UBE3D: variants seen among roughly 807,000 people sequenced by gnomAD.
The protein encoded by UBE3D is E3 ubiquitin-protein ligase E3D.
Under a neutral mutation model 49.6 loss-of-function variants are expected in UBE3D, and 48 were observed. The observed-to-expected ratio is 0.97, with a 90% CI of 0.77 to 1.23. The LOEUF is 1.23. UBE3D is among the 50% of genes most tolerant of loss of function. The probability of loss-of-function intolerance (pLI) is 0.00; values close to 1 mark genes in which losing one functional copy is unlikely to be tolerated. For missense variants in UBE3D, 452 were observed against 468.4 expected (o/e 0.96, Z 0.32); for synonymous variants, 189 against 174.2 (o/e 1.08, Z -0.67).
chr6:82,956,962 T>C (rs931308022), intron 9 of UBE3D, among the ~76,000 whole-genome samples: 2 of 152,100 alleles, frequency 1.3e-5, no homozygotes, highest in Admixed American at 6.6e-5. Context: ...ACCCTGTCTC[T>C]ACTAAAAACA....
chr6:82,957,586 TCA>T, intron 8 of UBE3D, 136 bp from the exon 9 acceptor site: 1 of 1,116,418 alleles, frequency 9.0e-7, no homozygotes, highest in East Asian at 2.6e-5. Flanking sequence ...TATTAAAAAT[TCA>T]CAGAGAACAT....
At chr6:82,998,231 C>T (rs1313631072) in intron 8 of UBE3D, among the ~76,000 whole-genome samples, 1 of 152,202 alleles carries the variant, frequency 6.6e-6, no homozygotes, top group African/African-American at 2.4e-5. Flanking sequence ...GAGGTACATG[C>T]ACCTGGAAGG....
At chr6:82,999,036 T>C (rs917415697) in intron 8 of UBE3D, among the ~76,000 whole-genome samples, 1 of 152,182 alleles carries the variant, frequency 6.6e-6, no homozygotes, top group Non-Finnish European at 1.5e-5. Context: ...CCTTTCCAAA[T>C]GACCATTTTA....
chr6:82,995,151 G>T (rs1437783480), intron 8 of UBE3D, among the ~76,000 whole-genome samples: 1 of 152,132 alleles, frequency 6.6e-6, no homozygotes, highest in East Asian at 1.9e-4. Context: ...GAGGCCAGAG[G>T]CAAACCAGGA....
chr6:83,028,755 G>A (rs201285280), intron 5 of UBE3D, among the ~76,000 whole-genome samples: 2 of 151,692 alleles, frequency 1.3e-5, no homozygotes, highest in East Asian at 1.9e-4. Flanking sequence ...GGTATCTTTC[G>A]TGTCAGCCTG....
At chr6:82,961,591 T>C (rs938837874) in intron 8 of UBE3D, among the ~76,000 whole-genome samples, 3 of 152,238 alleles carry the variant, frequency 2.0e-5, no homozygotes, top group African/African-American at 7.2e-5. Flanking sequence ...CTGAGGACAC[T>C]GTATATATTA....
At chr6:83,032,306 C>T in intron 5 of UBE3D, 1 of 454,680 alleles carries the variant, frequency 2.2e-6, no homozygotes, top group Non-Finnish European at 4.4e-6. Flanking sequence ...ATCAGCATGA[C>T]CTGGATGTGA....
intron 3 of UBE3D, among the ~76,000 whole-genome samples, chr6:83,046,443 T>C (rs1490021668): frequency 6.6e-6 from 1 of 152,086 alleles, no homozygotes; most frequent in Non-Finnish European, 1.5e-5. Context: ...ATTGGTATCA[T>C]CAAAGTGCTG....
At chr6:82,891,093 GA>G, downstream of UBE3D, among the ~76,000 whole-genome samples, 1 of 152,290 alleles carries the variant, frequency 6.6e-6, no homozygotes, top group East Asian at 1.9e-4. Context: ...CTACATGCCA[GA>G]AAAAGATTCA....
intron 5 of UBE3D, among the ~76,000 whole-genome samples, chr6:83,029,843 G>C (rs537197200): frequency 6.6e-6 from 1 of 151,900 alleles, no homozygotes; most frequent in Non-Finnish European, 1.5e-5. Flanking sequence ...TTTTAGTCTG[G>C]CTCCCTAGCA....
At chr6:83,013,427 G>C (rs1780483763) in intron 8 of UBE3D, among the ~76,000 whole-genome samples, 1 of 152,176 alleles carries the variant, frequency 6.6e-6, no homozygotes, top group Non-Finnish European at 1.5e-5. Flanking sequence ...GACATCTCTA[G>C]CACCATTGGA....
At chr6:82,964,670 T>C (rs1455639618) in intron 8 of UBE3D, among the ~76,000 whole-genome samples, 2 of 152,124 alleles carry the variant, frequency 1.3e-5, no homozygotes. Flanking sequence ...AACAAGCAAA[T>C]TGCAACAACT....
In UBE3D at chr6:82,897,121, G is replaced by C. The variant is rs1771382594; in HGVS notation, c.1150-4079C>G. On this transcript the variant is annotated intron_variant, in intron 9 of 9. Transcript: ENST00000369747. ...TAGAAAGGACTCTTTACACTAAGTA[G>C]ACAGACACAAATGTTCCTTTTAAAA... is the stretch of plus-strand genomic sequence containing the variant. Among the ~76,000 whole-genome samples the C allele has an allele frequency of 1.3e-5, 2 of 151,924 alleles. 1 individual carries two copies. The highest frequency in any genetic ancestry group is 4.1e-4 in the South Asian group (2 of 4,820).
chr6:83,008,089 A>G (rs1562178922), intron 8 of UBE3D, among the ~76,000 whole-genome samples: 1 of 152,314 alleles, frequency 6.6e-6, no homozygotes, highest in African/African-American at 2.4e-5. Context: ...TTGATTTCAG[A>G]TGTCTTGATT....
chr6:82,882,811 A>T, the UBE3D span, among the ~76,000 whole-genome samples: 1 of 152,198 alleles, frequency 6.6e-6, no homozygotes, highest in East Asian at 1.9e-4. Context: ...CAAAGAGAGA[A>T]CTATAAATTA....
intron 8 of UBE3D, among the ~76,000 whole-genome samples, chr6:82,993,708 A>G (rs548565507): frequency 9.8e-5 from 15 of 152,328 alleles, no homozygotes; most frequent in Non-Finnish European, 1.6e-4. Context: ...ACAGAGGGTT[A>G]ACTGTACATT....
chr6:83,040,378 ACTCT>A (rs59340440), intron 4 of UBE3D, among the ~76,000 whole-genome samples: 8,387 of 146,816 alleles, frequency 0.057, 271 homozygotes, highest in East Asian at 0.095. Context: ...AGCGAGACTG[ACTCT>A]CTCTCTCTCT....
intron 1 of UBE3D, among the ~76,000 whole-genome samples, chr6:83,060,446 A>G (rs1174558911): frequency 6.6e-6 from 1 of 152,208 alleles, no homozygotes; most frequent in Non-Finnish European, 1.5e-5. Flanking sequence ...TTACAAATAG[A>G]TACAGTAATA....
intron 5 of UBE3D, chr6:83,036,453 T>C (rs961570596): frequency 2.0e-5 from 3 of 152,184 alleles, no homozygotes; most frequent in African/African-American, 7.2e-5. Context: ...CTCTGAATTA[T>C]GGAAGCAATA....
Sources: allele counts gnomAD v4.1 joint callset (sites outside exome capture counted in the v4.1 genomes callset), GRCh38; gene constraint gnomAD v4.1.1; transcripts MANE v1.5; gene names NCBI Gene and HGNC (gene_info 2026-07-23, HGNC 2026-07-21).